Variants in GHR observed in about 807,000 individuals in gnomAD.
GHR encodes the protein growth hormone receptor, also known as GH receptor.
A neutral mutation model predicts 67.1 loss-of-function variants in GHR; 35 were observed. The ratio of observed to expected loss-of-function variants is 0.52; its 90% confidence interval spans 0.40 to 0.69. The LOEUF is 0.69. Among genes scored for constraint, GHR ranks in the 30% least tolerant of loss-of-function variants. The pLI is 0.00. For synonymous variants in GHR, 272 were observed against 269.1 expected (o/e 1.01, Z -0.10); for missense variants, 792 against 764.6 (o/e 1.04, Z -0.42).
intron 2 of GHR, among the ~76,000 whole-genome samples, chr5:42,602,427 T>G (rs1752424521): frequency 6.6e-6 from 1 of 152,208 alleles, no homozygotes; most frequent in South Asian, 2.1e-4. Context: ...GAGTTTCTTG[T>G]GGAAACCATA....
intron 1 of GHR, among the ~76,000 whole-genome samples, chr5:42,445,971 C>T (rs969583499): frequency 3.5e-4 from 54 of 152,276 alleles, no homozygotes; most frequent in African/African-American, 1.3e-3. Context: ...AACAGGCTCA[C>T]TGTAGAGAGA....
chr5:42,466,016 G>GT (rs1031525902), intron 1 of GHR: 72 of 545,754 alleles, frequency 1.3e-4, no homozygotes, highest in African/African-American at 8.9e-4. Context: ...TTCTTTTTGT[G>GT]TTTTTTATTT....
intron 3 of GHR, among the ~76,000 whole-genome samples, chr5:42,654,357 C>CA (rs1293558400): frequency 6.6e-6 from 1 of 152,130 alleles, no homozygotes; most frequent in Non-Finnish European, 1.5e-5. Flanking sequence ...CCCTGCCCCC[C>CA]ATGTAGGCAA....
At chr5:42,534,242 A>ATG (rs1561102597) in intron 1 of GHR, among the ~76,000 whole-genome samples, 45 of 107,136 alleles carry the variant, frequency 4.2e-4, no homozygotes, top group African/African-American at 2.1e-3. Flanking sequence ...ATATGTGTAT[A>ATG]TATGTATATA....
chr5:42,514,372 T>C, intron 1 of GHR: 1 of 962,922 alleles, frequency 1.0e-6, no homozygotes. Flanking sequence ...CAGGTCTCTC[T>C]TCTGTCCTAT....
At chr5:42,689,111 TG>T (rs953174294) in intron 4 of GHR, 92 bp downstream of exon 4, 19 of 1,116,996 alleles carry the variant, frequency 1.7e-5, no homozygotes, top group Non-Finnish European at 1.9e-5. Flanking sequence ...GGAAGTGATT[TG>T]TTGTGATTTA....
chr5:42,487,744 T>G (rs1270097523), intron 1 of GHR, among the ~76,000 whole-genome samples: 1 of 152,228 alleles, frequency 6.6e-6, no homozygotes, highest in Non-Finnish European at 1.5e-5. Context: ...TGAGAGATTA[T>G]ATTCATATAT....
chr5:42,568,730 TGA>T (rs1344829794), intron 2 of GHR, among the ~76,000 whole-genome samples: 2 of 152,214 alleles, frequency 1.3e-5, no homozygotes, highest in African/African-American at 4.8e-5. Context: ...TTGAAATTAA[TGA>T]GAGCCTGTAT....
intron 1 of GHR, among the ~76,000 whole-genome samples, chr5:42,560,763 T>C (rs1277801338): frequency 6.6e-6 from 1 of 152,120 alleles, no homozygotes; most frequent in African/African-American, 2.4e-5. Context: ...CCAACTCAGA[T>C]CCCCAAATCC....
chr5:42,669,959 C>T (rs1378814155), intron 3 of GHR, among the ~76,000 whole-genome samples: 1 of 152,080 alleles, frequency 6.6e-6, no homozygotes, highest in Non-Finnish European at 1.5e-5. Flanking sequence ...CCAAAGCAAT[C>T]TATAGATTCA....
chr5:42,477,198 C>A (rs1044845575), intron 1 of GHR, among the ~76,000 whole-genome samples: 2 of 152,020 alleles, frequency 1.3e-5, no homozygotes, highest in African/African-American at 4.8e-5. Flanking sequence ...CATGTCCCTA[C>A]AAAGGACATG....
chr5:42,503,678 A>G (rs1746634279), intron 1 of GHR, among the ~76,000 whole-genome samples: 1 of 152,184 alleles, frequency 6.6e-6, no homozygotes, highest in South Asian at 2.1e-4. Flanking sequence ...CATGTCAGGT[A>G]GAGATAAGTG....
At chr5:42,517,770 T>A (rs905430278) in intron 1 of GHR, among the ~76,000 whole-genome samples, 1 of 151,962 alleles carries the variant, frequency 6.6e-6, no homozygotes, top group Non-Finnish European at 1.5e-5. Flanking sequence ...TAGGTTGCTG[T>A]CACTCATAGT....
chr5:42,592,740 T>A (rs1464961714), intron 2 of GHR, among the ~76,000 whole-genome samples: 1 of 151,696 alleles, frequency 6.6e-6, no homozygotes, highest in Non-Finnish European at 1.5e-5. Flanking sequence ...GTGTGTGTCT[T>A]TATGGTAGAG....
chr5:42,664,263 CA>C (rs1755829032), intron 3 of GHR, among the ~76,000 whole-genome samples: 1 of 151,972 alleles, frequency 6.6e-6, no homozygotes. Context: ...CATATGGAAC[CA>C]AAAAAGAGCC....
intron 1 of GHR, among the ~76,000 whole-genome samples, chr5:42,453,770 G>A (rs1473111957): frequency 6.6e-6 from 1 of 152,150 alleles, no homozygotes; most frequent in East Asian, 1.9e-4. Context: ...TGTTCCTGTG[G>A]GGGAAGCCCC....
At chr5:42,649,283 C>T (rs1158962614) in intron 3 of GHR, among the ~76,000 whole-genome samples, 1 of 152,102 alleles carries the variant, frequency 6.6e-6, no homozygotes, top group African/African-American at 2.4e-5. Flanking sequence ...TAGTGAGTCA[C>T]TAATATTTCA....
intron 2 of GHR, among the ~76,000 whole-genome samples, chr5:42,571,896 C>T (rs2112503092): frequency 6.6e-6 from 1 of 152,206 alleles, no homozygotes; most frequent in East Asian, 1.9e-4. Flanking sequence ...CAAAGAGTAC[C>T]TGTTCATAGA....
At chr5:42,626,279 C>T in intron 2 of GHR, among the ~76,000 whole-genome samples, 1 of 152,188 alleles carries the variant, frequency 6.6e-6, no homozygotes, top group East Asian at 1.9e-4. Context: ...ATGCCAACTG[C>T]AAGTAATAGG....
Sources: allele counts gnomAD v4.1 joint callset (sites outside exome capture counted in the v4.1 genomes callset), GRCh38; gene constraint gnomAD v4.1.1; transcripts MANE v1.5; gene names NCBI Gene and HGNC (gene_info 2026-07-23, HGNC 2026-07-21).